Variants in BTBD1 observed in about 807,000 individuals in gnomAD.
The protein encoded by BTBD1 is BTB/POZ domain-containing protein 1.
BTBD1 carries 34 observed loss-of-function variants against 48.0 expected under a neutral mutation model. That is an observed-to-expected ratio of 0.71 (90% CI 0.54 to 0.94). The LOEUF (loss-of-function observed/expected upper bound fraction) is 0.94. BTBD1 is among the 40% of genes least tolerant of loss of function. The pLI is 0.00. For synonymous variants in BTBD1, 261 were observed against 242.1 expected, an observed-to-expected ratio of 1.08 and a Z score of -0.72; for missense variants, 543 against 625.6, an observed-to-expected ratio of 0.87 and a Z score of 1.41.
At chr15:83,059,524 G>A (rs567129797) in intron 1 of BTBD1, among the ~76,000 whole-genome samples, 1 of 152,158 alleles carries the variant, frequency 6.6e-6, no homozygotes, top group Non-Finnish European at 1.5e-5. Flanking sequence ...CAGCCTGGGC[G>A]ACAGAGCAAG....
chr15:83,018,151 AAC>A lies in BTBD1; in HGVS notation c.1363_1364del (p.Val455PhefsTer5). The A allele has an allele frequency of 6.2e-7, 1 of 1,613,044 alleles. No homozygotes were observed. Among genetic ancestry groups the A allele is most frequent in the Non-Finnish European group, 8.5e-7 (1 of 1,179,508 alleles). On this transcript the variant is annotated frameshift_variant, in exon 8 of 8. Transcript: ENST00000261721. LOFTEE classifies it high-confidence loss of function. The stretch of plus-strand genomic sequence containing the variant: ...TGCCAGGGGAACTAAAAAAGAAAAA[AAC>A]AGTCTTGCTTGCAGCAGGTGTCTCA... ...VHETPAASKTVFFFFSSPGNN... is the reference protein window; with the variant it reads ...VHETPAASKTXFFFFSSPGNN...
chr15:83,028,246 T>C (rs1196714035), intron 5 of BTBD1, among the ~76,000 whole-genome samples: 1 of 152,196 alleles, frequency 6.6e-6, no homozygotes, highest in Non-Finnish European at 1.5e-5. Context: ...CCTAATCTAG[T>C]AAGAATTATA....
chr15:83,033,213 C>CT (rs200503652), intron 4 of BTBD1, among the ~76,000 whole-genome samples: 8 of 151,604 alleles, frequency 5.3e-5, no homozygotes, highest in East Asian at 1.9e-4. Flanking sequence ...GGCCCCATCT[C>CT]TTTTTTTAAA....
At chr15:83,066,568 TCA>T (rs1297767925) in intron 1 of BTBD1, among the ~76,000 whole-genome samples, 181 bp downstream of exon 1, 1 of 152,078 alleles carries the variant, frequency 6.6e-6, no homozygotes, top group East Asian at 1.9e-4. Flanking sequence ...CCGTCCTGGT[TCA>T]CAGATTTCGA....
At position 83,066,811 on chromosome 15, in the gene BTBD1, GTGGC is replaced by G. The variant is rs748576387; in HGVS notation, c.337_340del (p.Ala113ProfsTer20). ...CGGCAGCTCGATCTCGGCCGACGTG[GTGGC>G]CATGCCGCCGTTGAACATGGCGTCA... is the stretch of plus-strand genomic sequence containing the variant. On this transcript the variant is annotated frameshift_variant, in exon 1 of 8. Transcript: ENST00000261721. LOFTEE classifies it high-confidence loss of function. 1.2e-5 allele frequency: 18 copies of G among 1,448,408 alleles called. No homozygotes were observed. The highest frequency in any genetic ancestry group is 1.4e-5 in the Non-Finnish European group (15 of 1,102,888). 89.7% of individuals were successfully genotyped at this position (1,448,408 alleles called of 1,614,324 possible). A position where few individuals can be genotyped will look rare whatever the true frequency, so the allele number is the denominator to read the frequency against.
rs1240807622 is a variant in BTBD1 at position 83,017,414 on chromosome 15, C to T, written c.*653G>A. 1.3e-5 allele frequency: 2 copies of T among 152,716 alleles called. No homozygotes were observed. Among genetic ancestry groups the T allele is most frequent in the East Asian group, 1.9e-4 (1 of 5,188 alleles). The allele number at this position is 152,716 out of a possible 1,614,324, so 9.5% of individuals were successfully genotyped here. A position where few individuals can be genotyped will look rare whatever the true frequency, so the allele number is the denominator to read the frequency against. On this transcript the variant is annotated 3_prime_UTR_variant, in exon 8 of 8. Coordinates refer to ENST00000261721, the MANE Select transcript of BTBD1 (RefSeq NM_025238.4). Reference sequence around the variant, plus strand: ...ATTTTTGTGAATTTACACAAAATTCCATTTATAGCTTTAAAACTGTACTAC... The same window carrying T: ...ATTTTTGTGAATTTACACAAAATTCTATTTATAGCTTTAAAACTGTACTAC...
At chr15:83,052,938 A>G (rs1462307997) in intron 2 of BTBD1, among the ~76,000 whole-genome samples, 1 of 151,206 alleles carries the variant, frequency 6.6e-6, no homozygotes, top group African/African-American at 2.4e-5. Context: ...CCCAGCCTCA[A>G]AAGACATTTT....
At chr15:83,027,534 C>T (rs1334934978) in intron 5 of BTBD1, among the ~76,000 whole-genome samples, 1 of 152,218 alleles carries the variant, frequency 6.6e-6, no homozygotes, top group East Asian at 1.9e-4. Flanking sequence ...CTCCACTGCA[C>T]TGCCCCTCCC....
intron 4 of BTBD1, among the ~76,000 whole-genome samples, chr15:83,031,369 G>A (rs957727824): frequency 6.6e-6 from 1 of 152,106 alleles, no homozygotes; most frequent in Non-Finnish European, 1.5e-5. Context: ...AGCAGACTTG[G>A]AACCAACCCA....
chr15:83,067,206 G>A lies in BTBD1; in HGVS notation c.-55C>T, dbSNP rs562480919. The A allele has an allele frequency of 1.0e-4, 137 of 1,338,894 alleles. No individual in the cohort carries two copies. The African/African-American group carries it at 1.9e-3, about 19-fold the overall frequency. 82.9% of individuals were successfully genotyped at this position (1,338,894 alleles called of 1,614,324 possible). A position where few individuals can be genotyped will look rare whatever the true frequency, so the allele number is the denominator to read the frequency against. Reference sequence around the variant, plus strand: ...GACAAAACTCCGCCGCCATCGCCCAGGCCGCCTCCGGAGGCCGGCGCTGCC... The same window carrying A: ...GACAAAACTCCGCCGCCATCGCCCAAGCCGCCTCCGGAGGCCGGCGCTGCC... On this transcript the variant is annotated 5_prime_UTR_variant, in exon 1 of 8. Coordinates refer to ENST00000261721, the MANE Select transcript of BTBD1 (RefSeq NM_025238.4).
intron 4 of BTBD1, among the ~76,000 whole-genome samples, chr15:83,032,983 A>AC (rs2032552608): frequency 6.6e-6 from 1 of 151,538 alleles, no homozygotes; most frequent in Non-Finnish European, 1.5e-5. Flanking sequence ...AAAAAAAAAA[A>AC]AAAAACAGAA....
chr15:83,051,032 A>C lies in BTBD1; in HGVS notation c.559-854T>G, dbSNP rs866439661. On this transcript the variant is annotated intron_variant, in intron 2 of 7. Coordinates refer to ENST00000261721, the MANE Select transcript of BTBD1 (RefSeq NM_025238.4). ...ACATATGTTATAACCCTCCCCCACA[A>C]AAAAAAAAAAAACAGTTTATAAGCA... Among the ~76,000 whole-genome samples, 6 of 149,050 alleles carry C rather than the reference A, an allele frequency of 4.0e-5. 1 individual carries two copies. The Middle Eastern group carries it at 0.014, about 340-fold the overall frequency.
chr15:83,032,896 T>C (rs2032547585), intron 4 of BTBD1, among the ~76,000 whole-genome samples: 1 of 141,274 alleles, frequency 7.1e-6, no homozygotes, highest in Non-Finnish European at 1.5e-5. Flanking sequence ...CACTTGAACC[T>C]GGAAGGTGGA....
intron 6 of BTBD1, 175 bp downstream of exon 6, chr15:83,020,500 A>C (rs2032273223): frequency 2.0e-6 from 1 of 498,678 alleles, no homozygotes; most frequent in Non-Finnish European, 3.5e-6. Flanking sequence ...AATTTTCTGC[A>C]ACCAGACTTT....
At chr15:83,051,938 G>C (rs1051992519) in intron 2 of BTBD1, among the ~76,000 whole-genome samples, 7 of 140,106 alleles carry the variant, frequency 5.0e-5, no homozygotes, top group Non-Finnish European at 9.2e-5. Flanking sequence ...CTATTTGAGA[G>C]TAAGTTGCAC....
chr15:83,030,062 C>T, intron 5 of BTBD1, 74 bp downstream of exon 5: 3 of 1,264,870 alleles, frequency 2.4e-6, no homozygotes. Context: ...TAATTATCTC[C>T]CATAATATAT....
At chr15:83,049,017 C>T (rs766920372) in intron 3 of BTBD1, among the ~76,000 whole-genome samples, 4 of 152,104 alleles carry the variant, frequency 2.6e-5, no homozygotes, top group Non-Finnish European at 4.4e-5. Context: ...GTGGACTTGC[C>T]GAGCGCTTTC....
rs2033083128 is a variant in BTBD1 at position 83,056,434 on chromosome 15, G to A, written c.513C>T (p.Leu171=). 3.7e-6 allele frequency: 6 copies of A among 1,613,548 alleles called. No individual in the cohort carries two copies. Among genetic ancestry groups the A allele is most frequent in the Non-Finnish European group, 5.1e-6 (6 of 1,179,540 alleles). Residue 171 remains leucine, a synonymous_variant, in exon 2 of 8, where the codon CTC becomes CTT. Coordinates refer to ENST00000261721, the MANE Select transcript of BTBD1 (RefSeq NM_025238.4). ...CATTATCTGCCCTAAGATGTTTGGT[G>A]AGAAATTCTACACAGTGTGCTTCCA... The part of the protein sequence containing the change: ...PALEAHCVEF[L]TKHLRADNAF...
At chr15:83,044,663 G>C in intron 3 of BTBD1, 1 of 1,516,144 alleles carries the variant, frequency 6.6e-7, no homozygotes, top group African/African-American at 1.4e-5. Flanking sequence ...ATCAGGAGTG[G>C]GATGGGAAGG....
Sources: gnomAD v4.1 joint callset for allele counts (sites outside exome capture counted in the v4.1 genomes callset) on GRCh38, gnomAD v4.1.1 for gene constraint, MANE v1.5 for transcripts, NCBI Gene and HGNC (gene_info 2026-07-23, HGNC 2026-07-21) for gene names.